Variants in MSRA observed in about 807,000 individuals in gnomAD.
The protein encoded by MSRA is mitochondrial peptide methionine sulfoxide reductase.
Under a neutral mutation model 31.3 loss-of-function variants are expected in MSRA, and 54 were observed. That is an observed-to-expected ratio of 1.73 (90% CI 1.39 to 2.17). The LOEUF is 2.17. MSRA is among the 30% of genes most tolerant of loss of function. MSRA has a pLI of 0.00. For synonymous variants in MSRA, 169 were observed against 116.5 expected, an observed-to-expected ratio of 1.45 and a Z score of -2.90; for missense variants, 507 against 300.9, an observed-to-expected ratio of 1.69 and a Z score of -5.07.
At chr8:10,114,804 A>G (rs966484874) in intron 1 of MSRA, among the ~76,000 whole-genome samples, 1 of 152,232 alleles carries the variant, frequency 6.6e-6, no homozygotes, top group African/African-American at 2.4e-5. Flanking sequence ...AAAGATGTCA[A>G]TTCTCTTAAA....
chr8:10,390,012 C>G (rs913287764), intron 5 of MSRA, among the ~76,000 whole-genome samples: 1 of 152,186 alleles, frequency 6.6e-6, no homozygotes, highest in East Asian at 1.9e-4. Context: ...AGGTCAGACT[C>G]TGCTTCTGCC....
At chr8:10,088,835 C>T (rs994567495) in intron 1 of MSRA, among the ~76,000 whole-genome samples, 1 of 152,148 alleles carries the variant, frequency 6.6e-6, no homozygotes, top group Non-Finnish European at 1.5e-5. Flanking sequence ...TTTGCCACAG[C>T]ACGGACGGAT....
intron 5 of MSRA, among the ~76,000 whole-genome samples, chr8:10,321,863 C>T (rs776577603): frequency 2.6e-5 from 4 of 152,146 alleles, no homozygotes; most frequent in African/African-American, 4.8e-5. Context: ...TTGATTACAG[C>T]GTCATGAAGG....
chr8:10,108,264 A>T (rs1229487159), intron 1 of MSRA, among the ~76,000 whole-genome samples: 1 of 151,920 alleles, frequency 6.6e-6, no homozygotes, highest in African/African-American at 2.4e-5. Flanking sequence ...TTCCATTTTC[A>T]CTCACAGGGC....
intron 1 of MSRA, among the ~76,000 whole-genome samples, chr8:10,098,632 C>G (rs2128931410): frequency 6.6e-6 from 1 of 152,274 alleles, no homozygotes; most frequent in East Asian, 1.9e-4. Context: ...GTTCACTTTT[C>G]TTGCACAATA....
chr8:10,055,302 G>T (rs545749189), intron 1 of MSRA, among the ~76,000 whole-genome samples: 64 of 152,362 alleles, frequency 4.2e-4, no homozygotes, highest in African/African-American at 1.5e-3. Flanking sequence ...TCTCACATCA[G>T]TACTTTGGGA....
At chr8:10,402,663 C>T (rs577862454) in intron 5 of MSRA, among the ~76,000 whole-genome samples, 2 of 152,194 alleles carry the variant, frequency 1.3e-5, no homozygotes, top group South Asian at 4.2e-4. Context: ...GAAACTGTCC[C>T]GACACAGAGA....
At chr8:10,108,443 C>A (rs1329756805) in intron 1 of MSRA, among the ~76,000 whole-genome samples, 1 of 152,234 alleles carries the variant, frequency 6.6e-6, no homozygotes, top group East Asian at 1.9e-4. Flanking sequence ...CTGCCAGTTA[C>A]AGTCCTTGCG....
rs1482851647 is a variant in MSRA at position 10,366,556 on chromosome 8, C to G, written c.543+46567C>G. ...GGTCAGCGATGGGAGCTGTGGTGAT[C>G]TTTTGGTCTGGTTTGGTTTTTGGCC... On this transcript the variant is annotated intron_variant, in intron 5 of 5. Transcript: ENST00000317173. Among the ~76,000 whole-genome samples the G allele has an allele frequency of 2.6e-5, 4 of 152,224 alleles. No individual in the cohort carries two copies. In the East Asian group the frequency reaches 7.7e-4, roughly 29 times the overall value.
chr8:10,234,515 T>C (rs1293185250), intron 2 of MSRA, among the ~76,000 whole-genome samples: 1 of 151,686 alleles, frequency 6.6e-6, no homozygotes, highest in Non-Finnish European at 1.5e-5. Flanking sequence ...AAAAGACTAA[T>C]AGGAGAGAGA....
At position 10,160,574 on chromosome 8, in the gene MSRA, G is replaced by A. The variant is rs578185199; in HGVS notation, c.143-47259G>A. Among the ~76,000 whole-genome samples the A allele has an allele frequency of 4.6e-5, 7 of 151,396 alleles. No individual in the cohort carries two copies. The South Asian group carries it at 6.3e-4, about 14-fold the overall frequency. ...TCCTTAAAACAGTTTTATTTTTTCC[G>A]TTTCATGAATTTAGCAGGAGGATCC... On this transcript the variant is annotated intron_variant, in intron 1 of 5. Transcript: ENST00000317173.
intron 5 of MSRA, among the ~76,000 whole-genome samples, chr8:10,426,821 A>T (rs1809196291): frequency 6.6e-6 from 1 of 152,206 alleles, no homozygotes; most frequent in African/African-American, 2.4e-5. Context: ...GACCCTCAAT[A>T]ATTGCTAGTT....
intron 5 of MSRA, among the ~76,000 whole-genome samples, chr8:10,360,165 C>G (rs1452412552): frequency 1.3e-5 from 2 of 152,184 alleles, no homozygotes; most frequent in Non-Finnish European, 2.9e-5. Flanking sequence ...TTGAGTGAGC[C>G]AAGCTGCTCT....
At chr8:10,364,892 A>G (rs1239753591) in intron 5 of MSRA, among the ~76,000 whole-genome samples, 1 of 152,192 alleles carries the variant, frequency 6.6e-6, no homozygotes, top group Non-Finnish European at 1.5e-5. Context: ...TAAACTGTGA[A>G]TCCTTCCTCC....
intron 1 of MSRA, among the ~76,000 whole-genome samples, chr8:10,113,784 A>G (rs531699924): frequency 3.3e-5 from 5 of 152,052 alleles, no homozygotes; most frequent in Non-Finnish European, 7.4e-5. Context: ...TTTTAAAAAA[A>G]AGATTATTAA....
At chr8:10,169,589 C>G (rs1805427153) in intron 1 of MSRA, among the ~76,000 whole-genome samples, 1 of 152,058 alleles carries the variant, frequency 6.6e-6, no homozygotes, top group African/African-American at 2.4e-5. Flanking sequence ...GACACAAAAA[C>G]CAGAAGCCAT....
intron 1 of MSRA, among the ~76,000 whole-genome samples, chr8:10,071,649 A>G (rs1797737138): frequency 6.6e-6 from 1 of 151,826 alleles, no homozygotes; most frequent in Non-Finnish European, 1.5e-5. Context: ...TTTACATTTT[A>G]TATTTAAGTC....
intron 1 of MSRA, among the ~76,000 whole-genome samples, chr8:10,118,666 G>A (rs572187485): frequency 2.5e-4 from 38 of 151,670 alleles, no homozygotes; most frequent in South Asian, 6.2e-4. Flanking sequence ...GCTCCTTACC[G>A]CTGCCCCTGG....
chr8:10,255,383 C>T (rs961072398), intron 3 of MSRA, among the ~76,000 whole-genome samples: 2 of 152,170 alleles, frequency 1.3e-5, no homozygotes, highest in Non-Finnish European at 2.9e-5. Context: ...TGTACAGGTC[C>T]CAGGTTTTGC....
Sources: allele counts gnomAD v4.1 joint callset (sites outside exome capture counted in the v4.1 genomes callset), GRCh38; gene constraint gnomAD v4.1.1; transcripts MANE v1.5; gene names NCBI Gene and HGNC (gene_info 2026-07-23, HGNC 2026-07-21).